ANKRD42: variants seen among roughly 807,000 people sequenced by gnomAD.
ANKRD42 encodes ankyrin repeat domain-containing protein 42.
Under a neutral mutation model 51.5 loss-of-function variants are expected in ANKRD42, and 43 were observed. The ratio of observed to expected loss-of-function variants is 0.83; its 90% CI spans 0.65 to 1.08. The LOEUF is 1.08. Among genes scored for constraint, ANKRD42 ranks in the 50% least tolerant of loss-of-function variants. The probability of loss-of-function intolerance (pLI) is 0.00; values close to 1 mark genes in which losing one functional copy is unlikely to be tolerated. For missense variants in ANKRD42, 608 were observed against 629.3 expected (o/e 0.97, Z 0.36); for synonymous variants, 203 against 213.0 (o/e 0.95, Z 0.41).
chr11:83,205,963 T>G (rs969513947), intron 2 of ANKRD42, 95 bp from the exon 3 acceptor site: 1 of 1,002,682 alleles, frequency 1.0e-6, no homozygotes, highest in Non-Finnish European at 1.5e-6. Flanking sequence ...TCTCATTCAC[T>G]ACAGTCTGCT....
rs546164946 is a variant in ANKRD42, at chr11:83,193,764, C to T, written c.-907C>T. 110 of 441,236 alleles carry T rather than the reference C, an allele frequency of 2.5e-4. No individual in the cohort carries two copies. Among genetic ancestry groups the T allele is most frequent in the Admixed American group, 4.4e-4 (17 of 38,676 alleles). 27.3% of individuals were successfully genotyped at this position (441,236 alleles called of 1,614,324 possible). On this transcript the variant is annotated 5_prime_UTR_variant, in exon 1 of 11. Transcript: ENST00000533342. ...GCCTCTCCAGCCAAGTGGCTGGAGT[C>T]GGGAGGCTGGAAAGAGACTCCGAGA...
chr11:83,206,263 T>C lies in ANKRD42; in HGVS notation c.330+98T>C, dbSNP rs114714122. On this transcript the variant is annotated intron_variant, in intron 3 of 10. Transcript: ENST00000533342. ...ATTATTTGACTCAATAGATTTAGTT[T>C]TATGTTCTAAACAAGAACTTACTGG... The C allele has an allele frequency of 2.5e-3, 2,542 of 1,026,042 alleles. 40 individuals are homozygous for C. The African/African-American group carries it at 0.036, about 14-fold the overall frequency. The allele number at this position is 1,026,042 out of a possible 1,614,324, so 63.6% of individuals were successfully genotyped here.
intron 1 of ANKRD42, among the ~76,000 whole-genome samples, chr11:83,197,262 A>G (rs1412351746): frequency 6.6e-6 from 1 of 151,986 alleles, no homozygotes; most frequent in Middle Eastern, 3.2e-3. Flanking sequence ...TTTTGTTTTC[A>G]TTATGTATTT....
At chr11:83,217,753 C>T (rs555191696) in intron 5 of ANKRD42, among the ~76,000 whole-genome samples, 3 of 152,302 alleles carry the variant, frequency 2.0e-5, no homozygotes, top group South Asian at 4.1e-4. Context: ...GGTGAGGAGG[C>T]GGTTTGTTTC....
At position 83,248,137 on chromosome 11, in the gene ANKRD42, A is replaced by C; in HGVS notation, c.1517A>C (p.Glu506Ala). 3 of 1,542,936 alleles carry C rather than the reference A, an allele frequency of 1.9e-6. No individual in the cohort carries two copies. Among genetic ancestry groups the C allele is most frequent in the South Asian group, 1.2e-5 (1 of 84,026 alleles). The change falls in exon 11 of 11, where the codon GAG becomes GCG. Residue 506 changes from glutamate (E) to alanine (A), a missense_variant. Glu to Ala is a moderately radical substitution (Grantham distance 107, BLOSUM62 -1). Transcript: ENST00000533342. ...ATTTTTCTCAAGAAGTATATACAAG[A>C]GTGGCCAAGAGTACAAGCTTTGGGC... is the stretch of plus-strand genomic sequence containing the variant. ...TFIFLKKYIQ[E>A]WPRVQALGWG...
At chr11:83,251,250 T>G (rs1863669875), downstream of ANKRD42, among the ~76,000 whole-genome samples, 1 of 152,180 alleles carries the variant, frequency 6.6e-6, no homozygotes, top group Non-Finnish European at 1.5e-5. Flanking sequence ...CTAGTCTCCC[T>G]GGTCACACGT....
downstream of ANKRD42, among the ~76,000 whole-genome samples, chr11:83,264,206 C>G (rs1312316430): frequency 1.3e-5 from 2 of 152,130 alleles, no homozygotes; most frequent in South Asian, 4.2e-4. Context: ...TAATAAAGGA[C>G]TGGATACATA....
chr11:83,195,971 G>A (rs781669901), intron 1 of ANKRD42, among the ~76,000 whole-genome samples: 3 of 151,086 alleles, frequency 2.0e-5, no homozygotes, highest in Non-Finnish European at 2.9e-5. Flanking sequence ...TCAGCCTCCC[G>A]AGTAGCTAGG....
Position 83,211,293 on chromosome 11 carries a change from A to C in ANKRD42, c.451-2A>C. 6.2e-7 allele frequency: 1 copy of C among 1,613,418 alleles called. No individual in the cohort carries two copies. Among genetic ancestry groups the C allele is most frequent in the Non-Finnish European group, 8.5e-7 (1 of 1,179,520 alleles). ...CTAAGTCCTTGTGAATGTTACCTCT[A>C]GGATCCCAGTGTGACTGATAAGAGA... On this transcript the variant is annotated splice_acceptor_variant, in intron 4 of 10. Transcript: ENST00000533342. LOFTEE classifies it high-confidence loss of function.
At chr11:83,211,791 G>A (rs1862330949) in intron 5 of ANKRD42, among the ~76,000 whole-genome samples, 1 of 152,154 alleles carries the variant, frequency 6.6e-6, no homozygotes, top group Non-Finnish European at 1.5e-5. Flanking sequence ...GGGCAACAAA[G>A]TGAGACCCCG....
downstream of ANKRD42, among the ~76,000 whole-genome samples, chr11:83,250,473 TGA>T (rs1863655342): frequency 2.0e-5 from 3 of 152,206 alleles, no homozygotes; most frequent in South Asian, 6.2e-4. Context: ...TCAGAGAAGT[TGA>T]GAGTCTTGTT....
At chr11:83,216,770 C>T (rs189494536) in intron 5 of ANKRD42, among the ~76,000 whole-genome samples, 12 of 152,236 alleles carry the variant, frequency 7.9e-5, no homozygotes, top group African/African-American at 1.4e-4. Context: ...CATCCAGGAC[C>T]GAAGTAAGTT....
intron 5 of ANKRD42, among the ~76,000 whole-genome samples, chr11:83,224,043 T>A (rs1387751859): frequency 6.6e-6 from 1 of 152,056 alleles, no homozygotes; most frequent in Admixed American, 6.5e-5. Context: ...TCTTGTCTGT[T>A]CATGGCATTC....
downstream of ANKRD42, among the ~76,000 whole-genome samples, chr11:83,263,108 A>AAC (rs543058664): frequency 6.6e-6 from 1 of 152,190 alleles, no homozygotes; most frequent in Non-Finnish European, 1.5e-5. Context: ...TTAATAAAAA[A>AAC]ACACACACAC....
At chr11:83,204,264 G>T (rs1240143310) in intron 2 of ANKRD42, among the ~76,000 whole-genome samples, 1 of 152,180 alleles carries the variant, frequency 6.6e-6, no homozygotes, top group Admixed American at 6.5e-5. Flanking sequence ...TTTTAACAAA[G>T]ATGCAAATGT....
At chr11:83,249,246 C>G (rs1043827008), downstream of ANKRD42, among the ~76,000 whole-genome samples, 1 of 152,148 alleles carries the variant, frequency 6.6e-6, no homozygotes, top group Non-Finnish European at 1.5e-5. Flanking sequence ...GCTCTTGTCA[C>G]CCATACTTCA....
At chr11:83,212,912 T>C (rs1862379681) in intron 5 of ANKRD42, 1 of 1,466,226 alleles carries the variant, frequency 6.8e-7, no homozygotes, top group Admixed American at 2.8e-5. Context: ...AGTTTTTTTT[T>C]TTAAAGTAAA....
intron 5 of ANKRD42, chr11:83,212,754 C>T: frequency 2.0e-6 from 3 of 1,534,492 alleles, no homozygotes; most frequent in Non-Finnish European, 2.6e-6. Flanking sequence ...CTTTCTATAT[C>T]TTTACACTAC....
chr11:83,209,413 A>C (rs1225201417), intron 3 of ANKRD42: 14 of 1,584,738 alleles, frequency 8.8e-6, no homozygotes, highest in African/African-American at 1.3e-5. Flanking sequence ...CGCACAAACA[A>C]ATTTACTATT....
Sources: gnomAD v4.1 joint callset for allele counts (sites outside exome capture counted in the v4.1 genomes callset) on GRCh38, gnomAD v4.1.1 for gene constraint, MANE v1.5 for transcripts, NCBI Gene and HGNC (gene_info 2026-07-23, HGNC 2026-07-21) for gene names.